PPFIA1: variants seen among roughly 807,000 people sequenced by gnomAD.
PPFIA1 encodes the protein PPFI scaffold protein A1, also known as liprin-alpha-1.
A neutral mutation model predicts 149.9 loss-of-function variants in PPFIA1; 25 were observed. That is an observed-to-expected ratio of 0.17 (90% confidence interval 0.12 to 0.23). The LOEUF (loss-of-function observed/expected upper bound fraction) is 0.23, where lower values mean the gene tolerates loss of function less well. PPFIA1 is among the 10% of genes least tolerant of loss of function. The pLI is 1.00. For synonymous variants in PPFIA1, 549 were observed against 552.8 expected (o/e 0.99, Z 0.10); for missense variants, 1,362 against 1,506.5 (o/e 0.90, Z 1.59).
At chr11:70,297,127 G>T (rs1373771744) in intron 2 of PPFIA1, among the ~76,000 whole-genome samples, 2 of 152,182 alleles carry the variant, frequency 1.3e-5, no homozygotes, top group Non-Finnish European at 2.9e-5. Context: ...AACCAGAGAG[G>T]CCGGGCACGG....
intron 16 of PPFIA1, among the ~76,000 whole-genome samples, chr11:70,352,919 C>T (rs934896282): frequency 6.6e-6 from 1 of 152,140 alleles, no homozygotes; most frequent in African/African-American, 2.4e-5. Context: ...TGCGTGTCAG[C>T]TTTCTCTGTA....
At chr11:70,279,808 T>C (rs2050636598) in intron 2 of PPFIA1, among the ~76,000 whole-genome samples, 1 of 149,460 alleles carries the variant, frequency 6.7e-6, no homozygotes, top group Non-Finnish European at 1.5e-5. Flanking sequence ...AGGGTGGTCT[T>C]GAACTCTTGG....
chr11:70,331,695 G>C (rs2054673950), intron 8 of PPFIA1, among the ~76,000 whole-genome samples: 1 of 151,788 alleles, frequency 6.6e-6, no homozygotes, highest in African/African-American at 2.4e-5. Flanking sequence ...CAGGAGAATT[G>C]CTTGAACTCA....
At chr11:70,380,162 C>T (rs2057650437) in intron 26 of PPFIA1, among the ~76,000 whole-genome samples, 1 of 152,100 alleles carries the variant, frequency 6.6e-6, no homozygotes, top group African/African-American at 2.4e-5. Context: ...AATCCCAGCA[C>T]TTTGGGAGGC....
chr11:70,284,692 T>C (rs547058429), intron 2 of PPFIA1, among the ~76,000 whole-genome samples: 2 of 152,236 alleles, frequency 1.3e-5, no homozygotes, highest in South Asian at 2.1e-4. Flanking sequence ...AGCTGAGGGA[T>C]GAAGGCTAAG....
chr11:70,297,745 G>A (rs1056838780), intron 2 of PPFIA1, among the ~76,000 whole-genome samples: 2 of 152,172 alleles, frequency 1.3e-5, no homozygotes, highest in African/African-American at 2.4e-5. Context: ...CCTGCTAGCC[G>A]GGCCCCATTT....
At chr11:70,352,603 GCCTT>G (rs2056117728) in intron 16 of PPFIA1, among the ~76,000 whole-genome samples, 1 of 152,036 alleles carries the variant, frequency 6.6e-6, no homozygotes, top group Non-Finnish European at 1.5e-5. Flanking sequence ...AGAGACTGTC[GCCTT>G]CCTTCTCTGT....
Position 70,324,509 on chromosome 11 carries a change from T to A in PPFIA1, c.366+6T>A. 6.2e-7 allele frequency: 1 copy of A among 1,600,466 alleles called. No individual in the cohort carries two copies. The highest frequency in any genetic ancestry group is 8.6e-7 in the Non-Finnish European group (1 of 1,168,828). ...CAGAAAGGAATAACACCAGGGTGAGTGTGACCTTTCTGTTCACTGCCTGCC... is the reference window on the plus strand; with the variant it reads ...CAGAAAGGAATAACACCAGGGTGAGAGTGACCTTTCTGTTCACTGCCTGCC... On this transcript the variant is annotated splice_donor_region_variant and intron_variant, in intron 3 of 27. Coordinates refer to ENST00000253925, the MANE Select transcript of PPFIA1 (RefSeq NM_003626.5).
chr11:70,305,041 C>T (rs1052750394), intron 2 of PPFIA1, among the ~76,000 whole-genome samples: 3 of 152,108 alleles, frequency 2.0e-5, no homozygotes, highest in African/African-American at 4.8e-5. Flanking sequence ...GCATGACCAC[C>T]GTGTTCCAGA....
chr11:70,316,864 C>A (rs990759208), intron 2 of PPFIA1, among the ~76,000 whole-genome samples: 2 of 152,162 alleles, frequency 1.3e-5, no homozygotes, highest in Non-Finnish European at 2.9e-5. Flanking sequence ...ATAATATGAA[C>A]CTGTTAGCCA....
At chr11:70,314,372 G>A (rs1488127463) in intron 2 of PPFIA1, among the ~76,000 whole-genome samples, 1 of 152,168 alleles carries the variant, frequency 6.6e-6, no homozygotes, top group Non-Finnish European at 1.5e-5. Context: ...CTGGGGAAAA[G>A]TTTCTGAACA....
intron 7 of PPFIA1, chr11:70,327,063 A>G (rs988591391): frequency 1.7e-5 from 8 of 462,408 alleles, no homozygotes; most frequent in Middle Eastern, 6.0e-4. Context: ...ACTGACTGAC[A>G]TGGCCATGAA....
intron 2 of PPFIA1, among the ~76,000 whole-genome samples, chr11:70,309,417 C>T (rs1454131613): frequency 6.6e-6 from 1 of 152,162 alleles, no homozygotes; most frequent in Non-Finnish European, 1.5e-5. Context: ...GATCTGCCCG[C>T]CTTGGCCTCC....
At chr11:70,286,355 G>A (rs1238922452) in intron 2 of PPFIA1, among the ~76,000 whole-genome samples, 2 of 152,116 alleles carry the variant, frequency 1.3e-5, no homozygotes, top group South Asian at 2.1e-4. Context: ...GGGTTCAAGC[G>A]ATTCTCCTCC....
At chr11:70,283,168 A>T (rs1333921137) in intron 2 of PPFIA1, among the ~76,000 whole-genome samples, 8 of 149,666 alleles carry the variant, frequency 5.3e-5, no homozygotes, top group Non-Finnish European at 7.4e-5. Flanking sequence ...TTTTTTTTTT[A>T]AAGCAAATAT....
At position 70,339,268 on chromosome 11, in the gene PPFIA1, A is replaced by G; in HGVS notation, c.1669A>G (p.Lys557Glu). The G allele has an allele frequency of 1.2e-6, 2 of 1,614,134 alleles. No individual in the cohort carries two copies. Among genetic ancestry groups the G allele is most frequent in the Non-Finnish European group, 1.7e-6 (2 of 1,179,960 alleles). The part of the protein sequence containing the change: ...STSAVLRRPQ[K>E]GRLAALRDEP... Reference sequence around the variant, plus strand: ...CAGTGCAGTGCTGCGGCGCCCACAGAAAGGCCGGCTGGCAGCCCTGCGAGA... The same window carrying G: ...CAGTGCAGTGCTGCGGCGCCCACAGGAAGGCCGGCTGGCAGCCCTGCGAGA... Residue 557 changes from lysine to glutamate, a missense_variant, in exon 14 of 28, where the codon AAA becomes GAA. Lys to Glu is a moderately conservative substitution (Grantham distance 56, BLOSUM62 1). Coordinates refer to ENST00000253925, the MANE Select transcript of PPFIA1 (RefSeq NM_003626.5).
chr11:70,326,857 G>A (rs1352923020), intron 7 of PPFIA1, 39 bp downstream of exon 7: 1 of 1,536,396 alleles, frequency 6.5e-7, no homozygotes, highest in East Asian at 2.3e-5. Flanking sequence ...TCATGAAGTT[G>A]TATGTTTGGG....
At chr11:70,363,502 T>G (rs541852952) in intron 21 of PPFIA1, 1 of 152,290 alleles carries the variant, frequency 6.6e-6, no homozygotes, top group African/African-American at 2.4e-5. Flanking sequence ...AGCACCCATT[T>G]ATTTATTTAT....
intron 19 of PPFIA1, among the ~76,000 whole-genome samples, chr11:70,356,603 A>G (rs2056374441): frequency 1.3e-5 from 2 of 152,210 alleles, no homozygotes; most frequent in African/African-American, 4.8e-5. Context: ...CAGTTTTCTC[A>G]TCTGTAAAGT....
Sources: gnomAD v4.1 joint callset for allele counts (sites outside exome capture counted in the v4.1 genomes callset) on GRCh38, gnomAD v4.1.1 for gene constraint, MANE v1.5 for transcripts, NCBI Gene and HGNC (gene_info 2026-07-23, HGNC 2026-07-21) for gene names.